DYM: variants seen among roughly 807,000 people sequenced by gnomAD.
The protein encoded by DYM is dyggve-Melchior-Clausen syndrome protein.
A neutral mutation model predicts 93.1 loss-of-function variants in DYM; 78 were observed. That is an observed-to-expected ratio of 0.84 (90% confidence interval 0.70 to 1.01). The LOEUF is 1.01. Ranked by LOEUF, DYM falls within the 50% of genes least tolerant of loss-of-function variation. The pLI is 0.00. For missense variants in DYM, 789 were observed against 845.0 expected (o/e 0.93, Z 0.82); for synonymous variants, 321 against 319.7 (o/e 1.00, Z -0.04).
intron 1 of DYM, among the ~76,000 whole-genome samples, chr18:49,440,510 TTATA>T (rs1326222477): frequency 1.8e-5 from 1 of 55,236 alleles, no homozygotes; most frequent in Non-Finnish European, 3.0e-5. Context: ...TGACTATATA[TTATA>T]TATTTATATA....
intron 16 of DYM, 189 bp downstream of exon 16, chr18:49,118,555 A>G: frequency 1.7e-6 from 1 of 591,898 alleles, no homozygotes; most frequent in Non-Finnish European, 3.0e-6. Flanking sequence ...AATTGTATTA[A>G]ATATGTATGT....
chr18:49,294,670 T>C (rs906336747), intron 8 of DYM, among the ~76,000 whole-genome samples: 5 of 152,146 alleles, frequency 3.3e-5, no homozygotes, highest in African/African-American at 9.7e-5. Context: ...TTTATCAAGA[T>C]TGAATGAAAT....
At chr18:49,079,848 C>T (rs1039683728) in intron 17 of DYM, among the ~76,000 whole-genome samples, 4 of 151,536 alleles carry the variant, frequency 2.6e-5, no homozygotes, top group African/African-American at 4.8e-5. Context: ...CAATCTTTTC[C>T]CCACCTTCCC....
chr18:49,424,156 C>T (rs1286194385), intron 2 of DYM, among the ~76,000 whole-genome samples: 1 of 152,130 alleles, frequency 6.6e-6, no homozygotes, highest in East Asian at 1.9e-4. Flanking sequence ...CAATAAAATA[C>T]TGGCAAACTG....
chr18:49,220,073 A>G (rs1463414201), intron 13 of DYM, among the ~76,000 whole-genome samples: 2 of 152,202 alleles, frequency 1.3e-5, no homozygotes, highest in Non-Finnish European at 2.9e-5. Flanking sequence ...ATACAAAATC[A>G]ATGTACAAAA....
intron 2 of DYM, among the ~76,000 whole-genome samples, chr18:49,399,788 C>T (rs2070554762): frequency 6.6e-6 from 1 of 152,058 alleles, no homozygotes; most frequent in Admixed American, 6.5e-5. Context: ...TCAGACACCA[C>T]TCAGACCTTC....
At chr18:49,353,273 T>G (rs1358575195) in intron 6 of DYM, among the ~76,000 whole-genome samples, 4 of 152,098 alleles carry the variant, frequency 2.6e-5, no homozygotes, top group Non-Finnish European at 4.4e-5. Context: ...TCGTAAAACT[T>G]TAAGAGACGG....
intron 10 of DYM, among the ~76,000 whole-genome samples, chr18:49,273,476 T>A (rs1346893119): frequency 6.6e-6 from 1 of 152,196 alleles, no homozygotes; most frequent in Admixed American, 6.5e-5. Context: ...ATATGCCACA[T>A]AACATTTCCA....
intron 5 of DYM, among the ~76,000 whole-genome samples, chr18:49,373,644 C>T (rs2067239735): frequency 1.3e-5 from 2 of 152,136 alleles, no homozygotes; most frequent in African/African-American, 4.8e-5. Context: ...GGGAATATAG[C>T]CTGGTAGGTT....
At chr18:49,084,760 C>T (rs1030190821) in intron 17 of DYM, among the ~76,000 whole-genome samples, 1 of 152,114 alleles carries the variant, frequency 6.6e-6, no homozygotes, top group African/African-American at 2.4e-5. Context: ...TGGCTCTCAT[C>T]AACAAAATGT....
chr18:49,100,733 T>G (rs1371283726), intron 16 of DYM, among the ~76,000 whole-genome samples: 1 of 152,192 alleles, frequency 6.6e-6, no homozygotes, highest in Non-Finnish European at 1.5e-5. Context: ...TACTATTTGT[T>G]TAATTCTCAT....
In DYM at chr18:49,040,382, C is replaced by T. The variant is rs1443410730; in HGVS notation, c.*3673G>A. Among the ~76,000 whole-genome samples, 2 of 152,164 alleles carry T rather than the reference C, an allele frequency of 1.3e-5. No individual in the cohort carries two copies. Among genetic ancestry groups the T allele is most frequent in the Non-Finnish European group, 2.9e-5 (2 of 68,032 alleles). ...AAGGGTCTTGGGGCTACTGGTGAGT[C>T]TCCCTTGCTTTGAGTGGGAACTCTG... On this transcript the variant is annotated 3_prime_UTR_variant, in exon 18 of 18. Coordinates refer to ENST00000675505, the MANE Select transcript of DYM (RefSeq NM_001353214.3).
intron 9 of DYM, among the ~76,000 whole-genome samples, chr18:49,282,535 C>T (rs1362348926): frequency 6.6e-6 from 1 of 152,198 alleles, no homozygotes; most frequent in Non-Finnish European, 1.5e-5. Flanking sequence ...ATCGCTTGAA[C>T]CTGGGAGGTG....
intron 13 of DYM, among the ~76,000 whole-genome samples, chr18:49,222,915 G>A (rs74446989): frequency 0.014 from 2,137 of 152,112 alleles, 48 homozygotes; most frequent in African/African-American, 0.049. Flanking sequence ...AAAGAATGAT[G>A]GTGACATTTA....
At chr18:49,234,146 A>C (rs1356663297) in intron 13 of DYM, among the ~76,000 whole-genome samples, 1 of 149,646 alleles carries the variant, frequency 6.7e-6, no homozygotes, top group East Asian at 2.0e-4. Flanking sequence ...CAACAACAAC[A>C]ACAAAACTGA....
chr18:49,270,224 C>A (rs766230799), intron 11 of DYM, among the ~76,000 whole-genome samples: 7 of 152,114 alleles, frequency 4.6e-5, no homozygotes, highest in Non-Finnish European at 1.0e-4. Flanking sequence ...TTAAGTAGTG[C>A]ATGGTTGTAT....
chr18:49,456,530 G>T (rs998452142), intron 1 of DYM, among the ~76,000 whole-genome samples: 2 of 152,050 alleles, frequency 1.3e-5, no homozygotes, highest in East Asian at 1.9e-4. Flanking sequence ...TAAAAGAAAA[G>T]ATAAGCTTTT....
intron 3 of DYM, among the ~76,000 whole-genome samples, chr18:49,380,618 G>T (rs2067955673): frequency 6.6e-6 from 1 of 152,218 alleles, no homozygotes; most frequent in East Asian, 1.9e-4. Flanking sequence ...CTAGGTTGAA[G>T]CAACCTCTAT....
intron 6 of DYM, among the ~76,000 whole-genome samples, chr18:49,347,158 T>C (rs2064672537): frequency 6.6e-6 from 1 of 152,122 alleles, no homozygotes. Context: ...AAATCATAAG[T>C]CAAATTATCA....
Sources: gnomAD v4.1 joint callset for allele counts (sites outside exome capture counted in the v4.1 genomes callset) on GRCh38, gnomAD v4.1.1 for gene constraint, MANE v1.5 for transcripts, NCBI Gene and HGNC (gene_info 2026-07-23, HGNC 2026-07-21) for gene names.